Variants in ARHGEF10 observed in about 807,000 individuals in gnomAD.
ARHGEF10 encodes the protein Rho guanine nucleotide exchange factor (GEF) 10.
A neutral mutation model predicts 147.4 loss-of-function variants in ARHGEF10; 140 were observed. The observed-to-expected ratio is 0.95, with a 90% CI of 0.83 to 1.09. The LOEUF (loss-of-function observed/expected upper bound fraction) is 1.09. ARHGEF10 is among the 50% of genes least tolerant of loss of function. The pLI is 0.00. For missense variants in ARHGEF10, 2,222 were observed against 1,752.7 expected (o/e 1.27, Z -4.78); for synonymous variants, 902 against 695.8 (o/e 1.30, Z -4.67).
intron 26 of ARHGEF10, among the ~76,000 whole-genome samples, chr8:1,942,140 C>T: frequency 6.6e-6 from 1 of 151,394 alleles, no homozygotes; most frequent in South Asian, 2.1e-4. Context: ...AAAGTTAAAA[C>T]CTTTTTGCTT....
In ARHGEF10 at chr8:1,923,341, C is replaced by G. The variant is rs1812442004; in HGVS notation, c.2260-127C>G. On this transcript the variant is annotated intron_variant, in intron 19 of 28. Transcript: ENST00000349830. Reference sequence around the variant, plus strand: ...AGTGTGATCTGACTCCCAAAGCTTTCTTTTTCATAATCTAATAGTTTCATT... The same window carrying G: ...AGTGTGATCTGACTCCCAAAGCTTTGTTTTTCATAATCTAATAGTTTCATT... The G allele has an allele frequency of 1.3e-5, 19 of 1,428,810 alleles. No individual in the cohort carries two copies. The Middle Eastern group carries it at 7.4e-4, about 56-fold the overall frequency. The allele number at this position is 1,428,810 out of a possible 1,614,324, so 88.5% of individuals were successfully genotyped here. A position where few individuals can be genotyped will look rare whatever the true frequency, so the allele number is the denominator to read the frequency against.
chr8:1,858,419 C>A (rs750193133), intron 3 of ARHGEF10, among the ~76,000 whole-genome samples: 1 of 151,996 alleles, frequency 6.6e-6, no homozygotes, highest in Non-Finnish European at 1.5e-5. Flanking sequence ...TCATGATGTA[C>A]CTGAAAGGAC....
chr8:1,929,250 C>A (rs770011069), intron 24 of ARHGEF10, 36 bp from the exon 25 acceptor site: 1 of 1,609,204 alleles, frequency 6.2e-7, no homozygotes, highest in Admixed American at 1.7e-5. Flanking sequence ...TTACAACGAG[C>A]AAATATATTT....
At chr8:1,884,375 G>T (rs1425987217) in intron 10 of ARHGEF10, among the ~76,000 whole-genome samples, 1 of 147,490 alleles carries the variant, frequency 6.8e-6, no homozygotes, top group Admixed American at 6.8e-5. Flanking sequence ...CAGCCTGGGC[G>T]ACAGAGCAAG....
chr8:1,901,145 G>C (rs1810421211), intron 15 of ARHGEF10, among the ~76,000 whole-genome samples: 1 of 152,078 alleles, frequency 6.6e-6, no homozygotes, highest in Non-Finnish European at 1.5e-5. Flanking sequence ...CTCAGGTGTG[G>C]GTACTCAGGG....
At chr8:1,939,129 C>T (rs1228296808) in intron 26 of ARHGEF10, among the ~76,000 whole-genome samples, 1 of 152,240 alleles carries the variant, frequency 6.6e-6, no homozygotes, top group East Asian at 1.9e-4. Flanking sequence ...GACTCCTGAA[C>T]ACTGTGGAAT....
intron 1 of ARHGEF10, among the ~76,000 whole-genome samples, chr8:1,842,035 C>A (rs1310823006): frequency 4.3e-5 from 4 of 93,460 alleles, no homozygotes; most frequent in African/African-American, 1.4e-4. Flanking sequence ...GGGGCCGCGG[C>A]GGGAACTGGG....
intron 27 of ARHGEF10, among the ~76,000 whole-genome samples, chr8:1,951,980 C>T (rs1323835008): frequency 3.8e-4 from 6 of 15,648 alleles, no homozygotes; most frequent in Admixed American, 2.9e-3. Context: ...ATAGGCCATG[C>T]GTCTCCCACA....
chr8:1,931,652 G>A (rs1813158421), intron 25 of ARHGEF10, among the ~76,000 whole-genome samples: 1 of 152,260 alleles, frequency 6.6e-6, no homozygotes, highest in Non-Finnish European at 1.5e-5. Context: ...CCCGGGCAGA[G>A]GGAGGGGGAG....
chr8:1,934,984 C>T (rs906488600), intron 26 of ARHGEF10, among the ~76,000 whole-genome samples: 19 of 151,826 alleles, frequency 1.3e-4, no homozygotes, highest in Non-Finnish European at 2.6e-4. Flanking sequence ...GGTAACCAAC[C>T]CAATAGAAGA....
chr8:1,926,427 G>C lies in ARHGEF10; in HGVS notation c.2661G>C (p.Gln887His). ...NPEPYLNNES[Q>H]PDSFSTAHGF... ...AACCTTACCTAAATAATGAAAGCCA[G>C]CCAGATTCATTTTCCACGGCACATG... The change falls in exon 23 of 29, where the codon CAG (glutamine) becomes CAC (histidine). Residue 887 changes from glutamine (Q) to histidine (H), a missense_variant. Transcript: ENST00000349830. The C allele has an allele frequency of 6.2e-7, 1 of 1,614,144 alleles. No homozygotes were observed. Among genetic ancestry groups the C allele is most frequent in the Non-Finnish European group, 8.5e-7 (1 of 1,180,028 alleles).
rs1388801570 is a variant in ARHGEF10, at chr8:1,903,364, G to A, written c.1734G>A (p.Glu578=). 6.2e-7 allele frequency: 1 copy of A among 1,614,170 alleles called. No individual in the cohort carries two copies. The highest frequency in any genetic ancestry group is 8.5e-7 in the Non-Finnish European group (1 of 1,180,038). Reference sequence around the variant, plus strand: ...TGACAGAGCTCGAAACACTAGCAGAGAAGTTAAATGAAAGAAAGAGAGATG... The same window carrying A: ...TGACAGAGCTCGAAACACTAGCAGAAAAGTTAAATGAAAGAAAGAGAGATG... The part of the protein sequence containing the change: ...MALTELETLA[E]KLNERKRDAD... The change falls in exon 16 of 29, where the codon GAG becomes GAA. Residue 578 remains glutamate (E), a synonymous_variant. Coordinates refer to ENST00000349830, the MANE Select transcript of ARHGEF10 (RefSeq NM_014629.4).
chr8:1,915,459 G>A (rs1425870281), intron 18 of ARHGEF10, among the ~76,000 whole-genome samples: 1 of 152,254 alleles, frequency 6.6e-6, no homozygotes, highest in African/African-American at 2.4e-5. Flanking sequence ...TGTTAGAATG[G>A]CTGTTCCAAG....
chr8:1,936,971 C>T (rs1236821523), intron 26 of ARHGEF10, among the ~76,000 whole-genome samples: 1 of 152,104 alleles, frequency 6.6e-6, no homozygotes, highest in Admixed American at 6.5e-5. Context: ...CACACTGGGG[C>T]AAGGTGCAGA....
intron 27 of ARHGEF10, among the ~76,000 whole-genome samples, chr8:1,949,637 TG>T (rs1419717763): frequency 8.5e-5 from 13 of 152,174 alleles, no homozygotes; most frequent in Admixed American, 8.5e-4. Flanking sequence ...AGGAACTATG[TG>T]ACCAAATAAA....
intron 15 of ARHGEF10, among the ~76,000 whole-genome samples, chr8:1,898,829 T>TG (rs1481519001): frequency 6.6e-6 from 1 of 151,972 alleles, no homozygotes; most frequent in Non-Finnish European, 1.5e-5. Context: ...GCCCCAGCAC[T>TG]GGGGGGCCGC....
chr8:1,823,441 C>G (rs1802517929), upstream of ARHGEF10, among the ~76,000 whole-genome samples: 1 of 135,242 alleles, frequency 7.4e-6, no homozygotes, highest in Non-Finnish European at 1.6e-5. Flanking sequence ...CAGGGAGGGG[C>G]GATGTTCTGG....
intron 5 of ARHGEF10, among the ~76,000 whole-genome samples, chr8:1,866,280 C>G (rs535082212): frequency 1.4e-4 from 22 of 152,176 alleles, no homozygotes; most frequent in Admixed American, 6.5e-5. Context: ...TGCCCTTGCC[C>G]GTGTTCTGTG....
At chr8:1,854,716 A>C (rs1369984243) in intron 2 of ARHGEF10, among the ~76,000 whole-genome samples, 2 of 152,162 alleles carry the variant, frequency 1.3e-5, no homozygotes, top group African/African-American at 4.8e-5. Flanking sequence ...TTACTAGGGG[A>C]AAAAGTGAGT....
Sources: allele counts gnomAD v4.1 joint callset (sites outside exome capture counted in the v4.1 genomes callset), GRCh38; gene constraint gnomAD v4.1.1; transcripts MANE v1.5; gene names NCBI Gene and HGNC (gene_info 2026-07-23, HGNC 2026-07-21).